The following LDLRAD3 variants were observed in gnomAD, a reference collection of about 807,000 sequenced individuals.
LDLRAD3 encodes low-density lipoprotein receptor class A domain-containing protein 3.
Under a neutral mutation model 29.4 loss-of-function variants are expected in LDLRAD3, and 20 were observed. The observed-to-expected ratio is 0.68, with a 90% confidence interval of 0.48 to 0.99. The LOEUF (loss-of-function observed/expected upper bound fraction) is 0.99, where lower values mean the gene tolerates loss of function less well. LDLRAD3 is among the 50% of genes least tolerant of loss of function. The probability of loss-of-function intolerance (pLI) is 0.00; values close to 1 mark genes in which losing one functional copy is unlikely to be tolerated. For synonymous variants in LDLRAD3, 157 were observed against 192.7 expected, an observed-to-expected ratio of 0.81 and a Z score of 1.53; for missense variants, 420 against 454.3, an observed-to-expected ratio of 0.92 and a Z score of 0.69.
chr11:35,974,026 A>T (rs1000189176), intron 1 of LDLRAD3, among the ~76,000 whole-genome samples: 8 of 151,824 alleles, frequency 5.3e-5, no homozygotes, highest in African/African-American at 1.7e-4. Context: ...TTTTTTCCCT[A>T]TTGAGTAATT....
Position 35,946,626 on chromosome 11 carries a change from G to C in LDLRAD3, c.46+2482G>C, listed in dbSNP as rs377121374. Among the ~76,000 whole-genome samples, 61 of 152,290 alleles carry C rather than the reference G, an allele frequency of 4.0e-4. 3 individuals are homozygous for C. In the South Asian group the frequency reaches 0.013, roughly 32 times the overall value. ...CAGTGGGTTTAAGTGCGTATGGCTT[G>C]AGACATTTCTAAAGGCAGCCATGCT... On this transcript the variant is annotated intron_variant, in intron 1 of 5. Coordinates refer to ENST00000315571, the MANE Select transcript of LDLRAD3 (RefSeq NM_174902.4).
At chr11:36,196,110 C>T (rs1855029293) in intron 4 of LDLRAD3, 1 of 152,062 alleles carries the variant, frequency 6.6e-6, no homozygotes, top group African/African-American at 2.4e-5. Context: ...TCACAGCTGC[C>T]TAGTAGCTGG....
At chr11:35,976,540 C>T (rs1472182132) in intron 1 of LDLRAD3, among the ~76,000 whole-genome samples, 1 of 152,172 alleles carries the variant, frequency 6.6e-6, no homozygotes, top group Non-Finnish European at 1.5e-5. Context: ...GACATAGACA[C>T]AGTCAGGAAG....
At chr11:36,015,774 T>G (rs184739795) in intron 1 of LDLRAD3, among the ~76,000 whole-genome samples, 3 of 152,214 alleles carry the variant, frequency 2.0e-5, no homozygotes, top group Admixed American at 6.5e-5. Context: ...AGTTTCCACC[T>G]CATCTTCCAG....
At chr11:36,023,273 C>A (rs1055363198) in intron 1 of LDLRAD3, among the ~76,000 whole-genome samples, 7 of 152,126 alleles carry the variant, frequency 4.6e-5, no homozygotes, top group Admixed American at 3.9e-4. Flanking sequence ...TTGAAGTGAA[C>A]CAGAGAGACC....
chr11:36,028,613 C>T (rs1852196656), intron 1 of LDLRAD3, among the ~76,000 whole-genome samples: 1 of 152,164 alleles, frequency 6.6e-6, no homozygotes, highest in South Asian at 2.1e-4. Context: ...ATGGGAAGCA[C>T]TAACTTTGAA....
At chr11:36,010,439 A>C (rs1424920585) in intron 1 of LDLRAD3, among the ~76,000 whole-genome samples, 1 of 152,178 alleles carries the variant, frequency 6.6e-6, no homozygotes, top group African/African-American at 2.4e-5. Flanking sequence ...GATGCCTAAA[A>C]ATTTCCAATA....
At chr11:36,066,312 G>A (rs1852792998) in intron 2 of LDLRAD3, among the ~76,000 whole-genome samples, 2 of 151,976 alleles carry the variant, frequency 1.3e-5, no homozygotes, top group African/African-American at 4.8e-5. Context: ...CTCACATCTG[G>A]TCTTAATCCC....
chr11:36,212,694 C>T (rs1246358349), intron 4 of LDLRAD3, among the ~76,000 whole-genome samples: 1 of 152,210 alleles, frequency 6.6e-6, no homozygotes, highest in Non-Finnish European at 1.5e-5. Flanking sequence ...TGGGCCCTTC[C>T]TCATCAGACA....
At chr11:36,057,206 G>C (rs1045381912) in intron 2 of LDLRAD3, among the ~76,000 whole-genome samples, 33 of 152,266 alleles carry the variant, frequency 2.2e-4, no homozygotes, top group African/African-American at 7.9e-4. Flanking sequence ...GAGAAACGCC[G>C]CCTCACTCAG....
chr11:36,155,248 A>G (rs1854331146), intron 4 of LDLRAD3, among the ~76,000 whole-genome samples: 1 of 152,174 alleles, frequency 6.6e-6, no homozygotes, highest in African/African-American at 2.4e-5. Flanking sequence ...TTCTTTCTTC[A>G]GCAGCTCTTG....
intron 4 of LDLRAD3, among the ~76,000 whole-genome samples, chr11:36,125,129 A>C (rs1171779327): frequency 6.6e-6 from 1 of 152,134 alleles, no homozygotes; most frequent in African/African-American, 2.4e-5. Flanking sequence ...GGCAGTTATC[A>C]TACTTATCAG....
intron 1 of LDLRAD3, among the ~76,000 whole-genome samples, chr11:36,005,391 C>G (rs1047397501): frequency 6.6e-6 from 1 of 152,244 alleles, no homozygotes; most frequent in South Asian, 2.1e-4. Context: ...CCACCAGTCT[C>G]TTTGCTAAAG....
At chr11:36,071,348 C>T (rs559725823) in intron 2 of LDLRAD3, among the ~76,000 whole-genome samples, 2 of 152,262 alleles carry the variant, frequency 1.3e-5, no homozygotes, top group East Asian at 1.9e-4. Flanking sequence ...AGGCAGTCAA[C>T]AGTCAAAAGG....
intron 1 of LDLRAD3, among the ~76,000 whole-genome samples, chr11:36,029,529 C>T (rs1028674693): frequency 6.6e-6 from 1 of 152,052 alleles, no homozygotes; most frequent in Non-Finnish European, 1.5e-5. Flanking sequence ...CTCTGCAAAC[C>T]CCCACTAGAT....
At chr11:36,103,431 G>GC (rs1346604096) in intron 4 of LDLRAD3, among the ~76,000 whole-genome samples, 1 of 151,984 alleles carries the variant, frequency 6.6e-6, no homozygotes, top group Admixed American at 6.6e-5. Context: ...AGTAGAGACG[G>GC]GGTTTCACCG....
intron 4 of LDLRAD3, among the ~76,000 whole-genome samples, chr11:36,203,819 G>T (rs980332451): frequency 6.6e-6 from 1 of 152,128 alleles, no homozygotes; most frequent in Non-Finnish European, 1.5e-5. Context: ...CCCCTTCACT[G>T]TTAGGTCACA....
intron 4 of LDLRAD3, among the ~76,000 whole-genome samples, chr11:36,130,945 A>G (rs1162877187): frequency 6.6e-6 from 1 of 152,128 alleles, no homozygotes; most frequent in African/African-American, 2.4e-5. Flanking sequence ...GTCTTTATCT[A>G]ACCCTGCTGG....
At chr11:36,226,372 C>G (rs1372884684) in intron 4 of LDLRAD3, among the ~76,000 whole-genome samples, 11 of 152,126 alleles carry the variant, frequency 7.2e-5, no homozygotes, top group Non-Finnish European at 1.5e-4. Flanking sequence ...TGAAGCCTGG[C>G]TTGAAATAAA....
Sources: allele counts gnomAD v4.1 joint callset (sites outside exome capture counted in the v4.1 genomes callset), GRCh38; gene constraint gnomAD v4.1.1; transcripts MANE v1.5; gene names NCBI Gene and HGNC (gene_info 2026-07-23, HGNC 2026-07-21).